ERG: variants seen among roughly 807,000 people sequenced by gnomAD.
The protein encoded by ERG is transcriptional regulator ERG.
ERG carries 9 observed loss-of-function variants against 55.3 expected under a neutral mutation model. The observed-to-expected ratio is 0.16, with a 90% CI of 0.10 to 0.28. The LOEUF (loss-of-function observed/expected upper bound fraction) is 0.28. Ranked by LOEUF, ERG falls within the 10% of genes least tolerant of loss-of-function variation. ERG has a pLI of 1.00. For missense variants in ERG, 434 were observed against 631.6 expected (o/e 0.69, Z 3.35); for synonymous variants, 223 against 237.3 (o/e 0.94, Z 0.55).
rs142904886 is a variant in ERG, at chr21:38,434,322, C to T, written c.237-10761G>A. On this transcript the variant is annotated intron_variant, in intron 2 of 9. Transcript: ENST00000288319. ...ATTCCACATCACCCCCTAGTCTCTT[C>T]CCTTCAGGCCTTCACTTTTGCTACT... Among the ~76,000 whole-genome samples, 21 of 152,278 alleles carry T rather than the reference C, an allele frequency of 1.4e-4. No homozygotes were observed. In the East Asian group the frequency reaches 3.1e-3, roughly 22 times the overall value.
At position 38,406,028 on chromosome 21, in the gene ERG, G is replaced by A. The variant is rs563523412; in HGVS notation, c.389-2319C>T. ...AAATTAGTCGGGCATGGTGGCGGGT[G>A]CCTGTAGTCTCAGCTACTTGGGAGG... On this transcript the variant is annotated intron_variant, in intron 3 of 9. Transcript: ENST00000288319. Among the ~76,000 whole-genome samples the A allele has an allele frequency of 3.1e-3, 473 of 151,862 alleles. 1 individual carries two copies. The highest frequency in any genetic ancestry group is 0.011 in the African/African-American group (447 of 41,386).
chr21:38,643,116 A>G (rs2060435144), intron 1 of ERG, among the ~76,000 whole-genome samples: 1 of 152,214 alleles, frequency 6.6e-6, no homozygotes, highest in Non-Finnish European at 1.5e-5. Flanking sequence ...TTAAAACTTA[A>G]GATGAAAGCA....
At chr21:38,583,972 T>C (rs938957741) in intron 1 of ERG, among the ~76,000 whole-genome samples, 5 of 152,152 alleles carry the variant, frequency 3.3e-5, no homozygotes, top group African/African-American at 1.2e-4. Context: ...GGAAATCACC[T>C]CTATGGAGGG....
At chr21:38,396,164 G>A (rs1988202270) in intron 6 of ERG, among the ~76,000 whole-genome samples, 1 of 151,318 alleles carries the variant, frequency 6.6e-6, no homozygotes, top group South Asian at 2.1e-4. Context: ...AGAAGTGTCT[G>A]TGAAATGAAA....
intron 2 of ERG, among the ~76,000 whole-genome samples, chr21:38,441,364 T>C (rs2298336): frequency 0.45 from 68,653 of 152,002 alleles, 16,392 homozygotes; most frequent in East Asian, 0.62. Context: ...GAGTGGGCCT[T>C]GTCTAATCAG....
In ERG at chr21:38,380,450, T is replaced by C. The variant is rs1987372623; in HGVS notation, c.*2953A>G. 4.7e-6 allele frequency: 5 copies of C among 1,064,002 alleles called. No homozygotes were observed. Among genetic ancestry groups the C allele is most frequent in the African/African-American group, 1.6e-5 (1 of 60,968 alleles). The allele number at this position is 1,064,002 out of a possible 1,614,324, so 65.9% of individuals were successfully genotyped here. A position where few individuals can be genotyped will look rare whatever the true frequency, so the allele number is the denominator to read the frequency against. ...ACTGTGATTTGGTGATTTTACCACA[T>C]ACAAGGCCCGAAAGCCAATTGAAGA... is the stretch of plus-strand genomic sequence containing the variant. On this transcript the variant is annotated 3_prime_UTR_variant, in exon 10 of 10. Transcript: ENST00000288319.
At chr21:38,658,184 A>G (rs183863311) in intron 1 of ERG, among the ~76,000 whole-genome samples, 22 of 152,324 alleles carry the variant, frequency 1.4e-4, no homozygotes, top group Non-Finnish European at 2.8e-4. Context: ...GCAAGGGGTA[A>G]AGAAGCAAAG....
chr21:38,593,443 G>A (rs965741602), intron 1 of ERG, among the ~76,000 whole-genome samples: 26 of 152,164 alleles, frequency 1.7e-4, no homozygotes, highest in Non-Finnish European at 3.7e-4. Context: ...CAAGCATTAT[G>A]TATTTCTAAG....
At chr21:38,614,527 C>T in intron 1 of ERG, among the ~76,000 whole-genome samples, 1 of 152,298 alleles carries the variant, frequency 6.6e-6, no homozygotes, top group South Asian at 2.1e-4. Context: ...GCAAAGTTGG[C>T]AGGCAGTGGC....
At chr21:38,373,594 T>C in the ERG span, among the ~76,000 whole-genome samples, 16 of 152,348 alleles carry the variant, frequency 1.1e-4, no homozygotes, top group African/African-American at 3.4e-4. Context: ...GTCCTGGGTC[T>C]GAGTTCAAGC....
rs368224054 is a variant in ERG at position 38,460,227 on chromosome 21, G to A, written c.19-14606C>T. On this transcript the variant is annotated intron_variant, in intron 1 of 9. Transcript: ENST00000288319. This position sits in a 1 kb window ranked among gnomAD's most constrained non-coding sequence, Gnocchi z 5.0. ...GGAGGAGGGGTTACTGGAAAGGAGCGAAAGAAAGAACCAGGAGGTGAACCA... is the reference window on the plus strand; with the variant it reads ...GGAGGAGGGGTTACTGGAAAGGAGCAAAAGAAAGAACCAGGAGGTGAACCA... 1.1e-4 allele frequency among the ~76,000 whole-genome samples: 17 copies of A among 152,274 alleles called. No individual in the cohort carries two copies. The highest frequency in any genetic ancestry group is 7.7e-4 in the East Asian group (4 of 5,164).
intron 1 of ERG, among the ~76,000 whole-genome samples, chr21:38,457,167 T>C (rs1000090598): frequency 6.6e-6 from 1 of 152,126 alleles, no homozygotes; most frequent in African/African-American, 2.4e-5. Context: ...CTGGGCGGGG[T>C]GGCTCACACC....
chr21:38,412,549 A>C (rs1399942303), intron 3 of ERG, among the ~76,000 whole-genome samples: 1 of 152,000 alleles, frequency 6.6e-6, no homozygotes, highest in Non-Finnish European at 1.5e-5. Flanking sequence ...CCCTCACCTT[A>C]ATCAATTTCA....
intron 1 of ERG, among the ~76,000 whole-genome samples, chr21:38,497,867 C>T (rs572942208): frequency 4.1e-4 from 63 of 152,326 alleles, no homozygotes; most frequent in African/African-American, 1.2e-3. Flanking sequence ...TCAACATTTG[C>T]GTCCCATTAC....
At chr21:38,509,060 C>A (rs371666784) in intron 2 of ERG, among the ~76,000 whole-genome samples, 2 of 152,272 alleles carry the variant, frequency 1.3e-5, no homozygotes, top group African/African-American at 4.8e-5. Context: ...CAGCCCCAAC[C>A]GGCACTTGAC....
chr21:38,432,707 C>A (rs1229003900), intron 2 of ERG, among the ~76,000 whole-genome samples: 1 of 152,162 alleles, frequency 6.6e-6, no homozygotes, highest in East Asian at 1.9e-4. Context: ...AAAGCAGGAG[C>A]CTTGTTACAG....
intron 2 of ERG, among the ~76,000 whole-genome samples, chr21:38,525,532 C>G (rs1448311752): frequency 6.6e-6 from 1 of 152,206 alleles, no homozygotes; most frequent in South Asian, 2.1e-4. Context: ...TCCAACACTT[C>G]TTCCACTCTC....
At chr21:38,501,391 T>C (rs561649822), upstream of ERG, among the ~76,000 whole-genome samples, 5 of 152,132 alleles carry the variant, frequency 3.3e-5, no homozygotes, top group African/African-American at 9.6e-5. Flanking sequence ...AACTAGAATA[T>C]AGCAGTGCAG....
At chr21:38,399,607 C>T (rs984487338) in intron 6 of ERG, among the ~76,000 whole-genome samples, 19 of 152,202 alleles carry the variant, frequency 1.2e-4, no homozygotes, top group African/African-American at 4.1e-4. Flanking sequence ...ATGCTAAAGG[C>T]AAGCTATACC....
Sources: gnomAD v4.1 joint callset for allele counts (sites outside exome capture counted in the v4.1 genomes callset) on GRCh38, gnomAD v4.1.1 for gene constraint, Gnocchi (gnomAD v3.1) non-coding constraint, MANE v1.5 for transcripts, NCBI Gene and HGNC (gene_info 2026-07-23, HGNC 2026-07-21) for gene names.